AQP3: variants seen among roughly 807,000 people sequenced by gnomAD.
AQP3 encodes the protein aquaporin 3 (Gill blood group).
Under a neutral mutation model 30.3 loss-of-function variants are expected in AQP3, and 15 were observed. That is an observed-to-expected ratio of 0.49 (90% confidence interval 0.33 to 0.76). The LOEUF (loss-of-function observed/expected upper bound fraction) is 0.76, where lower values mean the gene tolerates loss of function less well. Among genes scored for constraint, AQP3 ranks in the 30% least tolerant of loss-of-function variants. The pLI, the probability that AQP3 is intolerant of heterozygous loss-of-function variation, is 0.02. For missense variants in AQP3, 272 were observed against 384.8 expected, an observed-to-expected ratio of 0.71 and a Z score of 2.45; for synonymous variants, 153 against 163.2, an observed-to-expected ratio of 0.94 and a Z score of 0.47.
rs1826836848 is a variant in AQP3, at chr9:33,441,794, C to T, written c.*249G>A. 1.5e-5 allele frequency: 9 copies of T among 615,038 alleles called. No individual in the cohort carries two copies. The highest frequency in any genetic ancestry group is 6.1e-5 in the South Asian group (3 of 49,346). The allele number at this position is 615,038 out of a possible 1,614,324, so 38.1% of individuals were successfully genotyped here. A position where few individuals can be genotyped will look rare whatever the true frequency, so the allele number is the denominator to read the frequency against. Reference sequence around the variant, plus strand: ...ACATACCTGCTGCCCATTCTCTTCCCTTGGGAGACAAAAGGATGTATTGAC... The same window carrying T: ...ACATACCTGCTGCCCATTCTCTTCCTTTGGGAGACAAAAGGATGTATTGAC... On this transcript the variant is annotated 3_prime_UTR_variant, in exon 6 of 6. Coordinates refer to ENST00000297991, the MANE Select transcript of AQP3 (RefSeq NM_004925.5).
chr9:33,443,119 G>C lies in AQP3; in HGVS notation c.374-149C>G. The C allele has an allele frequency of 1.3e-5, 14 of 1,048,808 alleles. No individual in the cohort carries two copies. The highest frequency in any genetic ancestry group is 1.9e-5 in the Non-Finnish European group (13 of 698,116). The allele number at this position is 1,048,808 out of a possible 1,614,324, so 65.0% of individuals were successfully genotyped here. The stretch of plus-strand genomic sequence containing the variant: ...AGGCAGAGGGGGTGGCGTGGGGTGG[G>C]GTGGAGGGCCTGAGACTCTGTTATT... On this transcript the variant is annotated intron_variant, in intron 3 of 5. Coordinates refer to ENST00000297991, the MANE Select transcript of AQP3 (RefSeq NM_004925.5). The surrounding 1 kb of genome is among the most constrained non-coding windows in gnomAD (Gnocchi z 5.0).
At chr9:33,445,818 G>A (rs901909903) in intron 1 of AQP3, among the ~76,000 whole-genome samples, 1 of 152,162 alleles carries the variant, frequency 6.6e-6, no homozygotes, top group Non-Finnish European at 1.5e-5. Context: ...CCAACACGCA[G>A]GTAGGCAGGC....
intron 1 of AQP3, among the ~76,000 whole-genome samples, chr9:33,446,883 G>A (rs539378208): frequency 6.6e-6 from 1 of 152,252 alleles, no homozygotes; most frequent in South Asian, 2.1e-4. Context: ...TTCCCACTTC[G>A]CTGTTCGCAG....
chr9:33,442,415 A>C lies in AQP3; in HGVS notation c.596T>G (p.Val199Gly). ...GLEAFTVGLV[V>G]LVIGTSMGFN... ...GCCCATGGAGGTGCCAATGACCAGG[A>C]CCACCAGGCCCACGGTGAAGGCCTC... Residue 199 changes from valine to glycine, a missense_variant, in exon 5 of 6, where the codon GTC (valine) becomes GGC (glycine). Val to Gly is a moderately radical substitution (Grantham distance 109, BLOSUM62 -3). Transcript: ENST00000297991. The C allele has an allele frequency of 6.2e-7, 1 of 1,611,842 alleles. No homozygotes were observed. Among genetic ancestry groups the C allele is most frequent in the Non-Finnish European group, 8.5e-7 (1 of 1,179,378 alleles).
chr9:33,447,572 G>A lies in AQP3; in HGVS notation c.-42C>T. 6.8e-7 allele frequency: 1 copy of A among 1,480,040 alleles called. No homozygotes were observed. The highest frequency in any genetic ancestry group is 9.2e-7 in the Non-Finnish European group (1 of 1,084,186). 91.7% of individuals were successfully genotyped at this position (1,480,040 alleles called of 1,614,324 possible). A position where few individuals can be genotyped will look rare whatever the true frequency, so the allele number is the denominator to read the frequency against. On this transcript the variant is annotated 5_prime_UTR_variant, in exon 1 of 6. Transcript: ENST00000297991. ...GCGCTGTCGGGCGGGCAGGGGTGGC[G>A]GGAGGCGGTGGCGCAGCGAGCAGCG...
At chr9:33,444,436 C>A (rs1292541243) in intron 1 of AQP3, among the ~76,000 whole-genome samples, 1 of 152,010 alleles carries the variant, frequency 6.6e-6, no homozygotes, top group Non-Finnish European at 1.5e-5. Flanking sequence ...CCCATCTCTA[C>A]TAAAAGTACA....
chr9:33,444,331 T>C (rs183999184), intron 1 of AQP3, among the ~76,000 whole-genome samples: 1 of 152,264 alleles, frequency 6.6e-6, no homozygotes, highest in Admixed American at 6.5e-5. Context: ...CCCGGTGCAG[T>C]GGCTCACACT....
chr9:33,441,704 A>AC lies in AQP3; in HGVS notation c.*338dup, dbSNP rs58994930. The AC allele has an allele frequency of 0.14, 53,209 of 383,672 alleles. 2,885 individuals carry two copies. The highest frequency in any genetic ancestry group is 0.19 in the East Asian group (4,982 of 25,814). The allele number at this position is 383,672 out of a possible 1,614,324, so 23.8% of individuals were successfully genotyped here. ...GGTCCCTTGCCCTGAATATCTGGGA[A>AC]CCCCCCCCACACACACACACCCCTG... On this transcript the variant is annotated 3_prime_UTR_variant, in exon 6 of 6. Transcript: ENST00000297991.
chr9:33,442,060 G>T lies in AQP3; in HGVS notation c.862C>A (p.His288Asn), dbSNP rs1826843141. ...CTGCCCACTCAGATCTGCTCCTTGTGCTTCACATGGGCCAGCTTCACATTC... is the reference window on the plus strand; with the variant it reads ...CTGCCCACTCAGATCTGCTCCTTGTTCTTCACATGGGCCAGCTTCACATTC... ...EENVKLAHVK[H>N]KEQI Residue 288 changes from histidine to asparagine, a missense_variant, in exon 6 of 6, where the codon CAC becomes AAC. Physicochemically the swap from His to Asn is moderately conservative, Grantham distance 68. This residue lies in a region of AQP3 where 51 missense variants were observed against 51.8 expected (regional missense o/e 0.98). Transcript: ENST00000297991. 6.2e-7 allele frequency: 1 copy of T among 1,613,776 alleles called. No homozygotes were observed. Among genetic ancestry groups the T allele is most frequent in the Admixed American group, 1.7e-5 (1 of 59,992 alleles).
In AQP3 at chr9:33,442,126, C is replaced by T. The variant is rs748183538; in HGVS notation, c.796G>A (p.Gly266Ser). ...GGTGGGGGCTGCTCCAGGTGGCAGC[C>T]GATCATCAGCTGGTACACGAAGACA... ...AGVFVYQLMIGCHLEQPPPSN... is the reference protein window; with the variant it reads ...AGVFVYQLMISCHLEQPPPSN... The change falls in exon 6 of 6, where the codon GGC becomes AGC. Residue 266 changes from glycine (G) to serine (S), a missense_variant. By Grantham distance (56) the Gly-to-Ser change is moderately conservative. Coordinates refer to ENST00000297991, the MANE Select transcript of AQP3 (RefSeq NM_004925.5). The T allele has an allele frequency of 6.8e-6, 11 of 1,613,548 alleles. No individual in the cohort carries two copies. The East Asian group carries it at 1.3e-4, about 20-fold the overall frequency.
In AQP3 at chr9:33,441,882, A is replaced by T. The variant is rs1344325313; in HGVS notation, c.*161T>A. The T allele has an allele frequency of 8.3e-7, 1 of 1,207,296 alleles. No individual in the cohort carries two copies. The highest frequency in any genetic ancestry group is 1.5e-5 in the African/African-American group (1 of 65,940). The allele number at this position is 1,207,296 out of a possible 1,614,324, so 74.8% of individuals were successfully genotyped here. On this transcript the variant is annotated 3_prime_UTR_variant, in exon 6 of 6. Transcript: ENST00000297991. ...CTAAGGTGCTATTTGGGCAAGGTCC[A>T]GTGGAAATCCTGAAGGGGCTGTCTC...
chr9:33,442,414 G>C lies in AQP3; in HGVS notation c.597C>G (p.Val199=), dbSNP rs1202773580. 2 of 1,611,856 alleles carry C rather than the reference G, an allele frequency of 1.2e-6. No individual in the cohort carries two copies. Among genetic ancestry groups the C allele is most frequent in the Non-Finnish European group, 1.7e-6 (2 of 1,179,376 alleles). ...AGCCCATGGAGGTGCCAATGACCAG[G>C]ACCACCAGGCCCACGGTGAAGGCCT... is the stretch of plus-strand genomic sequence containing the variant. The part of the protein sequence containing the change: ...GLEAFTVGLV[V]LVIGTSMGFN... Residue 199 remains valine (V), a synonymous_variant, in exon 5 of 6, where the codon GTC becomes GTG. Coordinates refer to ENST00000297991, the MANE Select transcript of AQP3 (RefSeq NM_004925.5).
chr9:33,443,159 T>C lies in AQP3; in HGVS notation c.373+162A>G, dbSNP rs190117735. 9.0e-6 allele frequency: 11 copies of C among 1,222,056 alleles called. No individual in the cohort carries two copies. In the Admixed American group the frequency reaches 1.0e-4, roughly 11 times the overall value. 75.7% of individuals were successfully genotyped at this position (1,222,056 alleles called of 1,614,324 possible). A position where few individuals can be genotyped will look rare whatever the true frequency, so the allele number is the denominator to read the frequency against. ...ACTCTGTTATTGCCCAACTTGTTTC[T>C]TTCCCTTCGTGCCCCCTACCTTGAC... On this transcript the variant is annotated intron_variant, in intron 3 of 5. Coordinates refer to ENST00000297991, the MANE Select transcript of AQP3 (RefSeq NM_004925.5). This position sits in a 1 kb window ranked among gnomAD's most constrained non-coding sequence, Gnocchi z 5.0.
chr9:33,446,002 G>C (rs1480441064), intron 1 of AQP3, among the ~76,000 whole-genome samples: 2 of 152,210 alleles, frequency 1.3e-5, no homozygotes, highest in Non-Finnish European at 2.9e-5. Flanking sequence ...TGATCCTGGG[G>C]CTCAGTGGGA....
In AQP3 at chr9:33,443,075, A is replaced by C; in HGVS notation, c.374-105T>G. The stretch of plus-strand genomic sequence containing the variant: ...CTCCCATGAGTTATGGGTAAGTAGC[A>C]ATACTGCTGTATTGCAGCAGGCAGA... On this transcript the variant is annotated intron_variant, in intron 3 of 5. Coordinates refer to ENST00000297991, the MANE Select transcript of AQP3 (RefSeq NM_004925.5). The surrounding 1 kb of genome is among the most constrained non-coding windows in gnomAD (Gnocchi z 5.0). The C allele has an allele frequency of 8.4e-7, 1 of 1,194,524 alleles. No homozygotes were observed. The highest frequency in any genetic ancestry group is 1.8e-5 in the Admixed American group (1 of 56,886). The allele number at this position is 1,194,524 out of a possible 1,614,324, so 74.0% of individuals were successfully genotyped here. A position where few individuals can be genotyped will look rare whatever the true frequency, so the allele number is the denominator to read the frequency against.
At chr9:33,442,280 C>T in intron 5 of AQP3, 21 bp downstream of exon 5, 1 of 1,610,966 alleles carries the variant, frequency 6.2e-7, no homozygotes, top group Non-Finnish European at 8.5e-7. Flanking sequence ...CTGGGGTGAG[C>T]TGGGTGGGGG....
At chr9:33,442,826 TC>T (rs777014963) in intron 4 of AQP3, 25 bp downstream of exon 4, 1 of 1,604,028 alleles carries the variant, frequency 6.2e-7, no homozygotes, top group East Asian at 2.2e-5. Flanking sequence ...CTCCCTGCGT[TC>T]CCCTCACACG....
chr9:33,442,032 C>A lies in AQP3; in HGVS notation c.*11G>T. ...CCAGGGCAGCGGAGTGGGGAGATGGCCCCTGCCCACTCAGATCTGCTCCTT... is the reference window on the plus strand; with the variant it reads ...CCAGGGCAGCGGAGTGGGGAGATGGACCCTGCCCACTCAGATCTGCTCCTT... On this transcript the variant is annotated 3_prime_UTR_variant, in exon 6 of 6. Coordinates refer to ENST00000297991, the MANE Select transcript of AQP3 (RefSeq NM_004925.5). The A allele has an allele frequency of 4.3e-6, 7 of 1,611,656 alleles. No homozygotes were observed. The highest frequency in any genetic ancestry group is 5.1e-6 in the Non-Finnish European group (6 of 1,178,872).
chr9:33,446,552 C>T (rs1324329024), intron 1 of AQP3, among the ~76,000 whole-genome samples: 1 of 152,178 alleles, frequency 6.6e-6, no homozygotes, highest in Non-Finnish European at 1.5e-5. Context: ...TAGAACATAA[C>T]TGGTGGGTCT....
Sources: allele counts gnomAD v4.1 joint callset (sites outside exome capture counted in the v4.1 genomes callset), GRCh38; gene constraint gnomAD v4.1.1; regional missense constraint gnomAD v4.1.1; non-coding constraint Gnocchi (gnomAD v3.1); transcripts MANE v1.5; gene names NCBI Gene and HGNC (gene_info 2026-07-23, HGNC 2026-07-21).